Variants in PAMR1 observed in about 807,000 individuals in gnomAD.
PAMR1 encodes the protein inactive serine protease PAMR1.
In PAMR1, 88 loss-of-function variants were observed where a neutral mutation model predicts 81.8. The observed-to-expected ratio is 1.08, with a 90% CI of 0.91 to 1.28. PAMR1 has a LOEUF of 1.28. Among genes scored for constraint, PAMR1 ranks in the 50% most tolerant of loss-of-function variants. PAMR1 has a pLI of 0.00. For missense variants in PAMR1, 935 were observed against 919.7 expected, an observed-to-expected ratio of 1.02 and a Z score of -0.21; for synonymous variants, 336 against 345.3, an observed-to-expected ratio of 0.97 and a Z score of 0.30.
chr11:35,479,654 A>G (rs1229361084), intron 3 of PAMR1, among the ~76,000 whole-genome samples: 1 of 152,220 alleles, frequency 6.6e-6, no homozygotes, highest in Non-Finnish European at 1.5e-5. Flanking sequence ...AGCATCCCAG[A>G]CAGTGATAGC....
chr11:35,519,792 G>A (rs1360498561), intron 1 of PAMR1, among the ~76,000 whole-genome samples: 2 of 152,186 alleles, frequency 1.3e-5, no homozygotes, highest in Admixed American at 1.3e-4. Context: ...CTAACACCAT[G>A]ATTTTTTATC....
chr11:35,457,584 G>T (rs897598754), intron 6 of PAMR1, among the ~76,000 whole-genome samples: 1 of 152,148 alleles, frequency 6.6e-6, no homozygotes, highest in African/African-American at 2.4e-5. Flanking sequence ...CCTCTATTAA[G>T]TTAGCTCCTC....
At chr11:35,504,831 CTCT>C (rs1243449445) in intron 1 of PAMR1, among the ~76,000 whole-genome samples, 2 of 151,586 alleles carry the variant, frequency 1.3e-5, no homozygotes, top group East Asian at 1.9e-4. Flanking sequence ...TGTTTCATTG[CTCT>C]TCTTAATTTT....
At chr11:35,469,748 T>C (rs1486562462) in intron 5 of PAMR1, among the ~76,000 whole-genome samples, 1 of 152,194 alleles carries the variant, frequency 6.6e-6, no homozygotes, top group Non-Finnish European at 1.5e-5. Context: ...TCATACCCTA[T>C]GAATAAGGAA....
chr11:35,451,101 C>T (rs1392837939), intron 6 of PAMR1, among the ~76,000 whole-genome samples: 3 of 152,198 alleles, frequency 2.0e-5, no homozygotes, highest in Non-Finnish European at 4.4e-5. Flanking sequence ...CTATTGTTGG[C>T]TTTGACAGGT....
chr11:35,494,287 C>G lies in PAMR1; in HGVS notation c.74-15G>C, dbSNP rs1850682932. On this transcript the variant is annotated splice_polypyrimidine_tract_variant and intron_variant, in intron 1 of 10. Coordinates refer to ENST00000619888, the MANE Select transcript of PAMR1 (RefSeq NM_001001991.3). ...GACTGTGTACTCTGAAATGGAAAAC[C>G]AGCAGGTGAGGCTAGGTCCTGGCAG... is the stretch of plus-strand genomic sequence containing the variant. 6.2e-7 allele frequency: 1 copy of G among 1,611,318 alleles called. No homozygotes were observed. The highest frequency in any genetic ancestry group is 1.1e-5 in the South Asian group (1 of 90,968).
At chr11:35,472,269 A>C (rs1850201434) in intron 4 of PAMR1, among the ~76,000 whole-genome samples, 1 of 152,210 alleles carries the variant, frequency 6.6e-6, no homozygotes, top group Admixed American at 6.5e-5. Flanking sequence ...AGAAGCTACC[A>C]CCTGACAGAA....
Position 35,434,697 on chromosome 11 carries a change from G to A in PAMR1, c.1441C>T (p.His481Tyr). 1 of 1,614,142 alleles carries A rather than the reference G, an allele frequency of 6.2e-7. No individual in the cohort carries two copies. Among genetic ancestry groups the A allele is most frequent in the Non-Finnish European group, 8.5e-7 (1 of 1,179,994 alleles). Residue 481 changes from histidine (H) to tyrosine (Y), a missense_variant, in exon 10 of 11, where the codon CAC (histidine) becomes TAC (tyrosine). Transcript: ENST00000619888. The part of the protein sequence containing the change: ...RTSGVHDGSL[H>Y]KGAWFLVCSG... The stretch of plus-strand genomic sequence containing the variant: ...CAGACTAGGAACCACGCTCCCTTGT[G>A]TAGGCTGCCGTCATGCACCCCGCTG...
chr11:35,466,845 A>G (rs1856767189), intron 6 of PAMR1, among the ~76,000 whole-genome samples: 1 of 151,898 alleles, frequency 6.6e-6, no homozygotes, highest in Non-Finnish European at 1.5e-5. Flanking sequence ...TGTGCACTCT[A>G]GTTAGAAGTG....
At position 35,432,506 on chromosome 11, in the gene PAMR1, C is replaced by T; in HGVS notation, c.2013G>A (p.Val671=). 6.2e-7 allele frequency: 1 copy of T among 1,614,238 alleles called. No homozygotes were observed. Among genetic ancestry groups the T allele is most frequent in the Non-Finnish European group, 8.5e-7 (1 of 1,180,050 alleles). Residue 671 remains valine, a synonymous_variant, in exon 11 of 11, where the codon GTG becomes GTA. Coordinates refer to ENST00000619888, the MANE Select transcript of PAMR1 (RefSeq NM_001001991.3). The part of the protein sequence containing the change: ...CTAETGGIAA[V]SFPGRASPEP... ...CAGGAGATGCTCGTCCCGGGAAGGACACAGCCGCGATGCCTCCTGTCTCTG... is the reference window on the plus strand; with the variant it reads ...CAGGAGATGCTCGTCCCGGGAAGGATACAGCCGCGATGCCTCCTGTCTCTG...
chr11:35,448,674 T>G (rs535754292), intron 6 of PAMR1, among the ~76,000 whole-genome samples: 1 of 152,364 alleles, frequency 6.6e-6, no homozygotes, highest in South Asian at 2.1e-4. Flanking sequence ...CCCAGTTCTG[T>G]GCCATTGCTG....
chr11:35,487,307 C>G (rs1411463546), intron 3 of PAMR1, among the ~76,000 whole-genome samples: 1 of 152,100 alleles, frequency 6.6e-6, no homozygotes, highest in Non-Finnish European at 1.5e-5. Flanking sequence ...ACCCATTCCA[C>G]CTATGTGTTC....
At chr11:35,448,661 C>T (rs1211138912) in intron 6 of PAMR1, among the ~76,000 whole-genome samples, 1 of 152,230 alleles carries the variant, frequency 6.6e-6, no homozygotes, top group East Asian at 1.9e-4. Flanking sequence ...ATCTCAGCCT[C>T]AGCCCAGTTC....
intron 1 of PAMR1, among the ~76,000 whole-genome samples, chr11:35,523,370 A>G (rs993022050): frequency 2.0e-5 from 3 of 152,316 alleles, no homozygotes; most frequent in African/African-American, 7.2e-5. Flanking sequence ...TTCATTCCCA[A>G]GAGTCCCATA....
chr11:35,483,359 C>T (rs72922995), intron 3 of PAMR1, among the ~76,000 whole-genome samples: 5,119 of 152,298 alleles, frequency 0.034, 136 homozygotes, highest in Non-Finnish European at 0.052. Flanking sequence ...GCTTATAAAG[C>T]TGCAAGGTGA....
chr11:35,494,093 C>A lies in PAMR1; in HGVS notation c.250+3G>T, dbSNP rs374489989. The stretch of plus-strand genomic sequence containing the variant: ...AACCTGAAGTCTCCCATTCCACACT[C>A]ACCTGGGTGGATCAGGCAGGAGTCA... On this transcript the variant is annotated splice_donor_region_variant and intron_variant, in intron 2 of 10. Transcript: ENST00000619888. 2.5e-6 allele frequency: 4 copies of A among 1,613,012 alleles called. No homozygotes were observed. In the African/African-American group the frequency reaches 5.3e-5, roughly 22 times the overall value.
chr11:35,441,905 A>G (rs1856179192), intron 6 of PAMR1, among the ~76,000 whole-genome samples: 1 of 152,190 alleles, frequency 6.6e-6, no homozygotes, highest in Non-Finnish European at 1.5e-5. Flanking sequence ...GAAAAATCTC[A>G]TTCTATATAT....
At chr11:35,473,097 C>A (rs964071432) in intron 4 of PAMR1, among the ~76,000 whole-genome samples, 2 of 152,014 alleles carry the variant, frequency 1.3e-5, no homozygotes, top group African/African-American at 4.8e-5. Flanking sequence ...TGTGGATGGA[C>A]TATTTTTCAA....
intron 6 of PAMR1, among the ~76,000 whole-genome samples, chr11:35,462,780 A>C (rs1170356989): frequency 6.6e-6 from 1 of 152,186 alleles, no homozygotes; most frequent in East Asian, 1.9e-4. Flanking sequence ...CATAGGAGCT[A>C]AATGACTCGC....
Sources: allele counts gnomAD v4.1 joint callset (sites outside exome capture counted in the v4.1 genomes callset), GRCh38; gene constraint gnomAD v4.1.1; transcripts MANE v1.5; gene names NCBI Gene and HGNC (gene_info 2026-07-23, HGNC 2026-07-21).